SLC2A10: variants seen among roughly 807,000 people sequenced by gnomAD.
SLC2A10 encodes the protein solute carrier family 2, facilitated glucose transporter member 10.
SLC2A10 carries 25 observed loss-of-function variants against 32.1 expected under a neutral mutation model. The ratio of observed to expected loss-of-function variants is 0.78; its 90% confidence interval spans 0.57 to 1.09. The LOEUF (loss-of-function observed/expected upper bound fraction) is 1.09, where lower values mean the gene tolerates loss of function less well. Ranked by LOEUF, SLC2A10 falls within the 50% of genes least tolerant of loss-of-function variation. The pLI is 0.00. For missense variants in SLC2A10, 673 were observed against 686.5 expected, an observed-to-expected ratio of 0.98 and a Z score of 0.22; for synonymous variants, 332 against 309.6, an observed-to-expected ratio of 1.07 and a Z score of -0.76.
chr20:46,721,739 T>C (rs906464605), intron 1 of SLC2A10, among the ~76,000 whole-genome samples: 1 of 152,244 alleles, frequency 6.6e-6, no homozygotes, highest in African/African-American at 2.4e-5. Context: ...CTGCACAGCA[T>C]GACCAATGAC....
At chr20:46,727,241 T>C (rs145659556) in intron 3 of SLC2A10, among the ~76,000 whole-genome samples, 2 of 152,280 alleles carry the variant, frequency 1.3e-5, no homozygotes, top group East Asian at 3.9e-4. Flanking sequence ...AGAGTAGCAA[T>C]GTTTATTTGC....
chr20:46,722,784 A>G (rs1979630544), intron 1 of SLC2A10, among the ~76,000 whole-genome samples: 1 of 152,224 alleles, frequency 6.6e-6, no homozygotes, highest in African/African-American at 2.4e-5. Flanking sequence ...CGGTGTGTTA[A>G]CAATACCTGG....
At chr20:46,726,691 C>T (rs1250935300) in intron 2 of SLC2A10, among the ~76,000 whole-genome samples, 173 bp from the exon 3 acceptor site, 1 of 152,154 alleles carries the variant, frequency 6.6e-6, no homozygotes, top group East Asian at 1.9e-4. Flanking sequence ...ACCTCTCAGT[C>T]TTCAGCAAAC....
upstream of SLC2A10, among the ~76,000 whole-genome samples, chr20:46,708,357 T>C (rs573767600): frequency 1.3e-5 from 2 of 152,326 alleles, no homozygotes; most frequent in South Asian, 4.1e-4. Flanking sequence ...ATGTGAGTGC[T>C]GGGCTTGTAC....
chr20:46,719,733 G>C (rs547894803), intron 1 of SLC2A10, among the ~76,000 whole-genome samples: 4 of 152,182 alleles, frequency 2.6e-5, no homozygotes, highest in Admixed American at 2.6e-4. Context: ...CATCAAATTT[G>C]TGTTTTCTTA....
intron 3 of SLC2A10, among the ~76,000 whole-genome samples, chr20:46,728,153 C>T (rs1289951692): frequency 6.6e-6 from 1 of 152,064 alleles, no homozygotes; most frequent in Non-Finnish European, 1.5e-5. Context: ...TGTCATATAT[C>T]ATCCCCATTT....
At chr20:46,713,994 G>A (rs1979079678) in intron 1 of SLC2A10, among the ~76,000 whole-genome samples, 1 of 152,122 alleles carries the variant, frequency 6.6e-6, no homozygotes, top group Non-Finnish European at 1.5e-5. Context: ...AAGGCACTAA[G>A]CAAACATCAC....
intron 1 of SLC2A10, among the ~76,000 whole-genome samples, chr20:46,722,544 T>A (rs1979617413): frequency 6.6e-6 from 1 of 152,198 alleles, no homozygotes; most frequent in African/African-American, 2.4e-5. Context: ...TACAGGCATT[T>A]TTAAAGAACT....
chr20:46,720,056 T>C (rs1356873041), intron 1 of SLC2A10, among the ~76,000 whole-genome samples: 1 of 152,180 alleles, frequency 6.6e-6, no homozygotes, highest in Non-Finnish European at 1.5e-5. Flanking sequence ...ACAGCATCCA[T>C]TGTTTCATTT....
intron 1 of SLC2A10, among the ~76,000 whole-genome samples, chr20:46,723,593 A>G (rs1282208244): frequency 6.6e-6 from 1 of 152,192 alleles, no homozygotes; most frequent in African/African-American, 2.4e-5. Context: ...ATAAAAGTAG[A>G]TCACCTCATT....
At chr20:46,717,760 C>T (rs1013524635) in intron 1 of SLC2A10, among the ~76,000 whole-genome samples, 1 of 152,146 alleles carries the variant, frequency 6.6e-6, no homozygotes, top group Admixed American at 6.6e-5. Context: ...ACAAGGAACA[C>T]ATGACAAATG....
rs147710229 is a variant in SLC2A10, at chr20:46,726,240, G to A, written c.1204G>A (p.Ala402Thr). ...SSALPGPPLP[A>T]RGHALLRWTA... is the part of the protein sequence containing the mutation. ...TGCCCTCCCTGGGCCCCCTCTGCCCGCTCGGGGGCATGCACTGCTGCGCTG... is the reference window on the plus strand; with the variant it reads ...TGCCCTCCCTGGGCCCCCTCTGCCCACTCGGGGGCATGCACTGCTGCGCTG... Residue 402 changes from alanine (A) to threonine (T), a missense_variant, in exon 2 of 5, where the codon GCT becomes ACT. Ala to Thr is a moderately conservative substitution (Grantham distance 58). Coordinates refer to ENST00000359271, the MANE Select transcript of SLC2A10 (RefSeq NM_030777.4). 55 of 1,613,606 alleles carry A rather than the reference G, an allele frequency of 3.4e-5. No individual in the cohort carries two copies. Among genetic ancestry groups the A allele is most frequent in the African/African-American group, 2.9e-4 (22 of 74,954 alleles).
At chr20:46,729,625 GTTTTTTTTTTTTTTTTTTTT>G in intron 4 of SLC2A10, 137 bp downstream of exon 4, 108 of 314,560 alleles carry the variant, frequency 3.4e-4, no homozygotes, top group Middle Eastern at 1.1e-3. Context: ...GGCACTATGA[GTTTTTTTTTTTTTTTTTTTT>G]TTTTTTTTTT....
At chr20:46,717,440 C>G in intron 1 of SLC2A10, among the ~76,000 whole-genome samples, 1 of 152,156 alleles carries the variant, frequency 6.6e-6, no homozygotes, top group East Asian at 1.9e-4. Flanking sequence ...GGCTGGAGTG[C>G]AGTGGTGCAA....
chr20:46,719,624 G>A (rs971596481), intron 1 of SLC2A10, among the ~76,000 whole-genome samples: 2 of 152,184 alleles, frequency 1.3e-5, no homozygotes, highest in Non-Finnish European at 2.9e-5. Flanking sequence ...CTCCCACTGG[G>A]TCCCTTCCAC....
chr20:46,719,335 A>G (rs954085782), intron 1 of SLC2A10, among the ~76,000 whole-genome samples: 48 of 152,124 alleles, frequency 3.2e-4, no homozygotes, highest in African/African-American at 1.1e-3. Flanking sequence ...TTGAAGGGTT[A>G]TGTTTTGAAG....
At chr20:46,724,262 G>A (rs918072950) in intron 1 of SLC2A10, among the ~76,000 whole-genome samples, 2 of 152,212 alleles carry the variant, frequency 1.3e-5, no homozygotes, top group African/African-American at 4.8e-5. Context: ...CAACACATCT[G>A]TATTCCAGCC....
intron 4 of SLC2A10, among the ~76,000 whole-genome samples, chr20:46,730,699 T>C (rs1324300425): frequency 6.6e-6 from 1 of 152,090 alleles, no homozygotes; most frequent in Non-Finnish European, 1.5e-5. Flanking sequence ...CATCAGGTCT[T>C]CAGGTTATTG....
At chr20:46,720,898 G>C (rs1255577901) in intron 1 of SLC2A10, among the ~76,000 whole-genome samples, 1 of 152,104 alleles carries the variant, frequency 6.6e-6, no homozygotes, top group Non-Finnish European at 1.5e-5. Context: ...AACACTCCAA[G>C]ACTTAGCATC....
Sources: allele counts gnomAD v4.1 joint callset (sites outside exome capture counted in the v4.1 genomes callset), GRCh38; gene constraint gnomAD v4.1.1; transcripts MANE v1.5; gene names NCBI Gene and HGNC (gene_info 2026-07-23, HGNC 2026-07-21).